CCSER1: variants seen among roughly 807,000 people sequenced by gnomAD.
CCSER1 encodes the protein coiled-coil serine rich protein 1, also known as serine-rich coiled-coil domain-containing protein 1.
A neutral mutation model predicts 82.0 loss-of-function variants in CCSER1; 41 were observed. The ratio of observed to expected loss-of-function variants is 0.50; its 90% CI spans 0.39 to 0.65. The LOEUF (loss-of-function observed/expected upper bound fraction) is 0.65, where lower values mean the gene tolerates loss of function less well. Among genes scored for constraint, CCSER1 ranks in the 30% least tolerant of loss-of-function variants. CCSER1 has a pLI of 0.00. For synonymous variants in CCSER1, 414 were observed against 383.9 expected (o/e 1.08, Z -0.92); for missense variants, 1,119 against 1,064.2 (o/e 1.05, Z -0.72).
chr4:90,621,403 A>G (rs1185450978), intron 5 of CCSER1, among the ~76,000 whole-genome samples: 2 of 151,818 alleles, frequency 1.3e-5, no homozygotes, highest in Admixed American at 6.6e-5. Flanking sequence ...GCAGCCAACA[A>G]TGTCTGCACA....
intron 1 of CCSER1, among the ~76,000 whole-genome samples, chr4:90,141,708 A>C (rs568406193): frequency 6.6e-6 from 1 of 152,230 alleles, no homozygotes; most frequent in South Asian, 2.1e-4. Context: ...GAAAATGCAC[A>C]TTTCCAACTT....
intron 10 of CCSER1, among the ~76,000 whole-genome samples, chr4:91,115,134 A>G (rs1726435692): frequency 1.3e-5 from 2 of 152,212 alleles, no homozygotes; most frequent in African/African-American, 4.8e-5. Context: ...GGCCAATTGA[A>G]TAATAAATTA....
intron 10 of CCSER1, among the ~76,000 whole-genome samples, chr4:91,410,636 T>C (rs1752967984): frequency 6.6e-6 from 1 of 152,104 alleles, no homozygotes; most frequent in South Asian, 2.1e-4. Flanking sequence ...TATTTTATTA[T>C]GGCAAAACAT....
At chr4:90,780,533 A>G (rs1007882753) in intron 7 of CCSER1, 18 of 1,587,568 alleles carry the variant, frequency 1.1e-5, no homozygotes, top group Non-Finnish European at 1.5e-5. Flanking sequence ...GACTTATTCA[A>G]AAGTTGAAGA....
chr4:90,692,837 A>G (rs1736257308), intron 6 of CCSER1, among the ~76,000 whole-genome samples: 1 of 151,976 alleles, frequency 6.6e-6, no homozygotes, highest in Non-Finnish European at 1.5e-5. Context: ...TAAACTTAAA[A>G]GATGTATTTT....
chr4:90,693,092 G>A (rs1436608950), intron 6 of CCSER1, among the ~76,000 whole-genome samples: 2 of 151,888 alleles, frequency 1.3e-5, no homozygotes, highest in Non-Finnish European at 2.9e-5. Context: ...GGTAAGGATG[G>A]ACTCACTAAA....
At chr4:91,514,322 G>A (rs1192734387) in intron 10 of CCSER1, among the ~76,000 whole-genome samples, 4 of 152,136 alleles carry the variant, frequency 2.6e-5, no homozygotes, top group African/African-American at 9.7e-5. Context: ...CCCAGAATAT[G>A]GTTGGTATGA....
chr4:91,498,895 G>T (rs1485483905), intron 10 of CCSER1, among the ~76,000 whole-genome samples: 2 of 151,634 alleles, frequency 1.3e-5, no homozygotes, highest in Admixed American at 6.6e-5. Flanking sequence ...ATTTCATATT[G>T]CTTATACATG....
chr4:90,393,744 A>G (rs1751532136), intron 3 of CCSER1, among the ~76,000 whole-genome samples: 1 of 150,298 alleles, frequency 6.7e-6, no homozygotes, highest in Admixed American at 6.6e-5. Context: ...TTGTTTGGGA[A>G]CCGACTTTAT....
At chr4:90,773,143 G>A (rs1752447162) in intron 7 of CCSER1, among the ~76,000 whole-genome samples, 1 of 152,166 alleles carries the variant, frequency 6.6e-6, no homozygotes, top group African/African-American at 2.4e-5. Context: ...AGGGGGCTGA[G>A]GAAGGAGAAT....
At chr4:91,102,025 C>T (rs1199518494) in intron 10 of CCSER1, among the ~76,000 whole-genome samples, 1 of 134,378 alleles carries the variant, frequency 7.4e-6, no homozygotes, top group Non-Finnish European at 1.7e-5. Context: ...GTCAGACAGA[C>T]CCCTGAATGG....
At chr4:90,875,485 A>G (rs1464407292) in intron 8 of CCSER1, among the ~76,000 whole-genome samples, 4 of 152,198 alleles carry the variant, frequency 2.6e-5, no homozygotes, top group African/African-American at 9.6e-5. Flanking sequence ...AAGTCTATTC[A>G]TTTATCCTCT....
Position 91,447,234 on chromosome 4 carries a change from T to G in CCSER1, c.2218-151338T>G, listed in dbSNP as rs193040272. Among the ~76,000 whole-genome samples the G allele has an allele frequency of 1.7e-4, 26 of 152,252 alleles. No individual in the cohort carries two copies. The East Asian group carries it at 4.6e-3, about 27-fold the overall frequency. On this transcript the variant is annotated intron_variant, in intron 10 of 10. Coordinates refer to ENST00000509176, the MANE Select transcript of CCSER1 (RefSeq NM_001145065.2). ...TATTGCAGTGCCAGAGGTTGTCTGC[T>G]TCGTGTCATAGAACATAATGCCTTT...
intron 8 of CCSER1, among the ~76,000 whole-genome samples, chr4:90,855,479 G>A (rs1438063423): frequency 6.6e-6 from 1 of 152,034 alleles, no homozygotes; most frequent in Non-Finnish European, 1.5e-5. Flanking sequence ...AAGAATTAAA[G>A]CTAAAGAAAA....
chr4:90,688,448 A>T lies in CCSER1; in HGVS notation c.1933-35466A>T, dbSNP rs183704479. Among the ~76,000 whole-genome samples, 316 of 152,162 alleles carry T rather than the reference A, an allele frequency of 2.1e-3. 1 individual carries two copies. The highest frequency in any genetic ancestry group is 6.9e-3 in the African/African-American group (288 of 41,544). ...TATGTTACAAATATTCTTTTAAATA[A>T]TTTTTCTACCTAGGCTACTCTTTAA... is the stretch of plus-strand genomic sequence containing the variant. On this transcript the variant is annotated intron_variant, in intron 6 of 10. Coordinates refer to ENST00000509176, the MANE Select transcript of CCSER1 (RefSeq NM_001145065.2).
intron 10 of CCSER1, among the ~76,000 whole-genome samples, chr4:91,343,452 C>G (rs1578228305): frequency 6.6e-6 from 1 of 152,038 alleles, no homozygotes; most frequent in Non-Finnish European, 1.5e-5. Flanking sequence ...ACACACTAGA[C>G]AATGACTTAC....
intron 10 of CCSER1, among the ~76,000 whole-genome samples, chr4:91,503,361 A>G (rs1759319203): frequency 6.6e-6 from 1 of 151,866 alleles, no homozygotes; most frequent in Non-Finnish European, 1.5e-5. Flanking sequence ...AAAAAGAAAA[A>G]AAGAAAGATT....
At chr4:91,330,837 C>T (rs1370926503) in intron 10 of CCSER1, among the ~76,000 whole-genome samples, 1 of 152,072 alleles carries the variant, frequency 6.6e-6, no homozygotes, top group Non-Finnish European at 1.5e-5. Context: ...TGGTCAGTTG[C>T]AGTCTGAAAA....
At chr4:91,180,197 G>A (rs1398496425) in intron 10 of CCSER1, among the ~76,000 whole-genome samples, 1 of 152,190 alleles carries the variant, frequency 6.6e-6, no homozygotes, top group Non-Finnish European at 1.5e-5. Context: ...GCACCCGGCT[G>A]TATGAGGTGT....
Sources: gnomAD v4.1 joint callset for allele counts (sites outside exome capture counted in the v4.1 genomes callset) on GRCh38, gnomAD v4.1.1 for gene constraint, MANE v1.5 for transcripts, NCBI Gene and HGNC (gene_info 2026-07-23, HGNC 2026-07-21) for gene names.